Variants in PRKCH observed in about 807,000 individuals in gnomAD.
PRKCH encodes the protein protein kinase C eta.
PRKCH carries 28 observed loss-of-function variants against 82.5 expected under a neutral mutation model. The ratio of observed to expected loss-of-function variants is 0.34; its 90% confidence interval spans 0.25 to 0.47. The LOEUF (loss-of-function observed/expected upper bound fraction) is 0.47. Among genes scored for constraint, PRKCH ranks in the 20% least tolerant of loss-of-function variants. PRKCH has a pLI of 1.00. For synonymous variants in PRKCH, 322 were observed against 327.4 expected (o/e 0.98, Z 0.18); for missense variants, 705 against 881.8 (o/e 0.80, Z 2.54).
chr14:61,279,883 T>C lies in PRKCH; in HGVS notation c.-19+92215T>C, dbSNP rs948441942. The C allele has an allele frequency of 1.0e-5, 6 of 577,172 alleles. No homozygotes were observed. The East Asian group carries it at 1.8e-4, about 17-fold the overall frequency. 35.8% of individuals were successfully genotyped at this position (577,172 alleles called of 1,614,324 possible). A position where few individuals can be genotyped will look rare whatever the true frequency, so the allele number is the denominator to read the frequency against. On this transcript the variant is annotated intron_variant, in intron 1 of 3. Transcript: ENST00000555185. ...GGTGGGAAGAGTTTGCAAGGATGTT[T>C]CACTCTGCAGTCAACATCCCTCCCC...
rs552877851 is a variant in PRKCH at position 61,461,436 on chromosome 14, A to G, written c.1278+3757A>G. On this transcript the variant is annotated intron_variant, in intron 9 of 13. Transcript: ENST00000332981. ...CAGCCTCCTGAACACCACCATGAAC[A>G]CCATGAGTCAAGCCGCAGAGCCAGG... Among the ~76,000 whole-genome samples the G allele has an allele frequency of 3.3e-5, 5 of 152,278 alleles. No homozygotes were observed. The South Asian group carries it at 1.0e-3, about 32-fold the overall frequency.
chr14:61,323,098 G>A (rs1011320420), intron 1 of PRKCH, among the ~76,000 whole-genome samples: 1 of 152,114 alleles, frequency 6.6e-6, no homozygotes, highest in Non-Finnish European at 1.5e-5. Flanking sequence ...TCCGAGGTGG[G>A]AGTCCTGCAG....
chr14:61,236,817 C>T (rs2044793917), intron 1 of PRKCH, among the ~76,000 whole-genome samples: 1 of 151,648 alleles, frequency 6.6e-6, no homozygotes, highest in Non-Finnish European at 1.5e-5. Context: ...ACACACCCAT[C>T]AGCACCACGA....
At chr14:61,494,101 G>A (rs1886563821) in intron 10 of PRKCH, among the ~76,000 whole-genome samples, 1 of 152,134 alleles carries the variant, frequency 6.6e-6, no homozygotes, top group Non-Finnish European at 1.5e-5. Context: ...ATGCTCCATG[G>A]ATAGGGGCAT....
At chr14:61,240,603 A>C (rs2044828703) in intron 1 of PRKCH, among the ~76,000 whole-genome samples, 1 of 152,138 alleles carries the variant, frequency 6.6e-6, no homozygotes. Flanking sequence ...TCGGTTAGAA[A>C]GGAAATGGTT....
intron 1 of PRKCH, among the ~76,000 whole-genome samples, chr14:61,244,139 A>C (rs1012517797): frequency 7.2e-5 from 11 of 152,130 alleles, no homozygotes; most frequent in Admixed American, 7.2e-4. Flanking sequence ...CAGGGAGTTG[A>C]GGCATGAGAC....
chr14:61,220,539 G>A (rs1177002957), intron 1 of PRKCH, among the ~76,000 whole-genome samples: 1 of 152,208 alleles, frequency 6.6e-6, no homozygotes, highest in African/African-American at 2.4e-5. Context: ...GATAAGATTT[G>A]CAAGAGCCAA....
At chr14:61,520,074 C>CAAAAAAAAAA (rs71992585) in intron 10 of PRKCH, among the ~76,000 whole-genome samples, 11 of 97,408 alleles carry the variant, frequency 1.1e-4, no homozygotes, top group Non-Finnish European at 1.5e-4. Context: ...CTACAGAAAC[C>CAAAAAAAAAA]AAAAAAAAAA....
chr14:61,287,985 G>A (rs546757470), intron 1 of PRKCH, among the ~76,000 whole-genome samples: 6 of 152,200 alleles, frequency 3.9e-5, no homozygotes, highest in East Asian at 3.9e-4. Context: ...AATTTCTTAC[G>A]TATCAGGTAA....
intron 2 of PRKCH, among the ~76,000 whole-genome samples, chr14:61,404,056 G>A (rs1011262704): frequency 1.3e-5 from 2 of 152,112 alleles, no homozygotes; most frequent in East Asian, 1.9e-4. Flanking sequence ...CACTTGTGTT[G>A]GTAACCCTTT....
At chr14:61,481,097 A>G (rs1885951262) in intron 9 of PRKCH, among the ~76,000 whole-genome samples, 1 of 152,002 alleles carries the variant, frequency 6.6e-6, no homozygotes, top group Admixed American at 6.6e-5. Context: ...ACTGCACTTA[A>G]CACACTGTGG....
intron 2 of PRKCH, among the ~76,000 whole-genome samples, chr14:61,396,903 C>T (rs1260379143): frequency 2.0e-5 from 3 of 152,150 alleles, no homozygotes; most frequent in Non-Finnish European, 2.9e-5. Flanking sequence ...CGCCACTGTT[C>T]ACTTTCAAAA....
chr14:61,379,690 G>A (rs2046472769), intron 1 of PRKCH, among the ~76,000 whole-genome samples: 1 of 152,192 alleles, frequency 6.6e-6, no homozygotes, highest in Non-Finnish European at 1.5e-5. Context: ...TGGGGCCGAT[G>A]ACCACTGTCT....
chr14:61,274,704 G>A (rs1009784136), intron 1 of PRKCH, among the ~76,000 whole-genome samples: 3 of 152,194 alleles, frequency 2.0e-5, no homozygotes, highest in Admixed American at 6.5e-5. Flanking sequence ...TTGGAAGGAT[G>A]GGTTTGGAGA....
At chr14:61,198,872 C>T (rs1193765451) in intron 1 of PRKCH, among the ~76,000 whole-genome samples, 4 of 152,170 alleles carry the variant, frequency 2.6e-5, no homozygotes, top group Non-Finnish European at 5.9e-5. Context: ...TATATTTGTG[C>T]ATCATTCCCA....
intron 1 of PRKCH, among the ~76,000 whole-genome samples, chr14:61,228,930 T>G (rs2044718575): frequency 6.6e-6 from 1 of 151,746 alleles, no homozygotes; most frequent in Non-Finnish European, 1.5e-5. Flanking sequence ...ATAAATGACT[T>G]TAATTAGAGT....
chr14:61,447,023 A>T (rs1462841812), intron 4 of PRKCH, among the ~76,000 whole-genome samples: 2 of 152,226 alleles, frequency 1.3e-5, no homozygotes, highest in Non-Finnish European at 2.9e-5. Context: ...CACTTTGGTG[A>T]TGTCTCCCTA....
chr14:61,210,674 T>C (rs2044567876), intron 1 of PRKCH, among the ~76,000 whole-genome samples: 1 of 152,032 alleles, frequency 6.6e-6, no homozygotes, highest in African/African-American at 2.4e-5. Flanking sequence ...ACTTTCCAAG[T>C]CCCATAATGA....
intron 10 of PRKCH, among the ~76,000 whole-genome samples, chr14:61,522,300 C>T (rs1371087557): frequency 6.6e-6 from 1 of 152,158 alleles, no homozygotes; most frequent in Non-Finnish European, 1.5e-5. Flanking sequence ...TCATTCTCAA[C>T]TCCTCTGATA....
Sources: gnomAD v4.1 joint callset for allele counts (sites outside exome capture counted in the v4.1 genomes callset) on GRCh38, gnomAD v4.1.1 for gene constraint, MANE v1.5 for transcripts, NCBI Gene and HGNC (gene_info 2026-07-23, HGNC 2026-07-21) for gene names.